The following PTPRR variants were observed in gnomAD, a reference collection of about 807,000 sequenced individuals.
PTPRR encodes the protein protein tyrosine phosphatase receptor type R.
A neutral mutation model predicts 77.2 loss-of-function variants in PTPRR; 38 were observed. The ratio of observed to expected loss-of-function variants is 0.49; its 90% confidence interval spans 0.38 to 0.65. The LOEUF is 0.65. PTPRR is among the 30% of genes least tolerant of loss of function. The probability of loss-of-function intolerance (pLI) is 0.00; values close to 1 mark genes in which losing one functional copy is unlikely to be tolerated. For missense variants in PTPRR, 744 were observed against 799.2 expected, an observed-to-expected ratio of 0.93 and a Z score of 0.83; for synonymous variants, 299 against 283.1, an observed-to-expected ratio of 1.06 and a Z score of -0.57.
chr12:70,658,002 C>A (rs528644698), intron 12 of PTPRR, among the ~76,000 whole-genome samples: 127 of 152,300 alleles, frequency 8.3e-4, no homozygotes, highest in African/African-American at 3.0e-3. Context: ...TTAATTATAT[C>A]ATTCCCTACT....
Position 70,852,488 on chromosome 12 carries a change from T to C in PTPRR, c.357+40191A>G, listed in dbSNP as rs545670736. On this transcript the variant is annotated intron_variant, in intron 2 of 13. Transcript: ENST00000283228. ...TGATTAATACTGTATTACTTCTTTT[T>C]ATACCCTGATTATTATCAAAGTAAT... 9.2e-5 allele frequency among the ~76,000 whole-genome samples: 14 copies of C among 152,320 alleles called. No individual in the cohort carries two copies. The South Asian group carries it at 2.3e-3, about 25-fold the overall frequency.
intron 6 of PTPRR, among the ~76,000 whole-genome samples, chr12:70,732,316 T>C (rs11836088): frequency 0.05 from 7,567 of 152,292 alleles, 663 homozygotes; most frequent in African/African-American, 0.17. Context: ...GGTAACAACA[T>C]GCTAAGTTAG....
chr12:70,711,508 G>C (rs1372923046), intron 6 of PTPRR, among the ~76,000 whole-genome samples: 3 of 151,956 alleles, frequency 2.0e-5, no homozygotes, highest in Non-Finnish European at 4.4e-5. Context: ...GGATAACTAA[G>C]GGGTAGTAGG....
chr12:70,789,193 T>C (rs1891381832), intron 2 of PTPRR, among the ~76,000 whole-genome samples: 1 of 152,086 alleles, frequency 6.6e-6, no homozygotes, highest in African/African-American at 2.4e-5. Context: ...CTGACCAACA[T>C]GGCACATGTA....
At chr12:70,767,482 G>A (rs1396238281) in intron 2 of PTPRR, among the ~76,000 whole-genome samples, 4 of 151,838 alleles carry the variant, frequency 2.6e-5, no homozygotes, top group African/African-American at 9.7e-5. Context: ...AAATATATAT[G>A]CACCCAATAC....
intron 13 of PTPRR, among the ~76,000 whole-genome samples, chr12:70,653,042 C>A (rs1886453416): frequency 1.3e-5 from 2 of 152,132 alleles, no homozygotes; most frequent in African/African-American, 4.8e-5. Context: ...GGTTTGGAGT[C>A]ACTTTAGATC....
Position 70,895,290 on chromosome 12 carries a change from GTA to G in PTPRR, c.59-2315_59-2314del, listed in dbSNP as rs1893408026. On this transcript the variant is annotated intron_variant, in intron 1 of 13. Coordinates refer to ENST00000283228, the MANE Select transcript of PTPRR (RefSeq NM_002849.4). ...AGAGGAGAAATAACTGACAAACTGA[GTA>G]AATTACACAAATATCTTCAATCTTT... Among the ~76,000 whole-genome samples the G allele has an allele frequency of 2.0e-5, 3 of 151,636 alleles. No individual in the cohort carries two copies. In the South Asian group the frequency reaches 6.2e-4, roughly 32 times the overall value.
At chr12:70,714,943 C>T (rs1365172892) in intron 6 of PTPRR, among the ~76,000 whole-genome samples, 2 of 152,168 alleles carry the variant, frequency 1.3e-5, no homozygotes, top group African/African-American at 4.8e-5. Context: ...CGTGATCACG[C>T]TACTGCACTC....
intron 1 of PTPRR, among the ~76,000 whole-genome samples, chr12:70,894,794 T>C (rs898854167): frequency 6.6e-6 from 1 of 151,758 alleles, no homozygotes; most frequent in Admixed American, 6.6e-5. Flanking sequence ...TCATTTAATA[T>C]GGAGAAATAA....
chr12:70,725,550 A>G (rs1191946475), intron 6 of PTPRR, among the ~76,000 whole-genome samples: 2 of 152,180 alleles, frequency 1.3e-5, no homozygotes, highest in African/African-American at 4.8e-5. Context: ...AATTTAGCAC[A>G]TGGAAAAATT....
At chr12:70,792,855 G>A (rs1891445832) in intron 2 of PTPRR, among the ~76,000 whole-genome samples, 1 of 152,084 alleles carries the variant, frequency 6.6e-6, no homozygotes, top group East Asian at 1.9e-4. Flanking sequence ...AGTTTGAAAA[G>A]AGCCCCTGTC....
intron 10 of PTPRR, among the ~76,000 whole-genome samples, chr12:70,666,409 C>G (rs1448124525): frequency 6.6e-6 from 1 of 151,246 alleles, no homozygotes; most frequent in Non-Finnish European, 1.5e-5. Flanking sequence ...CTTTTGATCT[C>G]TGTGTTCCTC....
chr12:70,895,629 G>A (rs1272395768), intron 1 of PTPRR, among the ~76,000 whole-genome samples: 2 of 151,490 alleles, frequency 1.3e-5, no homozygotes, highest in East Asian at 3.9e-4. Context: ...AGAGCTACCC[G>A]GGACATGATG....
chr12:70,639,179 A>G lies in PTPRR; in HGVS notation c.*5T>C, dbSNP rs376367611. On this transcript the variant is annotated 3_prime_UTR_variant, in exon 14 of 14. Transcript: ENST00000283228. ...AGATTGATGGTCTGACAAGTCTTCA[A>G]TGACTCACTGGACAGTCTCTGCTGA... The G allele has an allele frequency of 1.6e-5, 26 of 1,611,446 alleles. No homozygotes were observed. The highest frequency in any genetic ancestry group is 2.7e-5 in the African/African-American group (2 of 74,886).
rs569993669 is a variant in PTPRR, at chr12:70,912,048, T to G, written c.58+8285A>C. On this transcript the variant is annotated intron_variant, in intron 1 of 13. Coordinates refer to ENST00000283228, the MANE Select transcript of PTPRR (RefSeq NM_002849.4). ...CTCCTTTCTTCTGTTTAAGCTACTT[T>G]ATTTTCTTCAGGGAGAATTTTAAAA... Among the ~76,000 whole-genome samples, 10 of 152,314 alleles carry G rather than the reference T, an allele frequency of 6.6e-5. No individual in the cohort carries two copies. In the South Asian group the frequency reaches 1.9e-3, roughly 28 times the overall value.
At chr12:70,865,907 C>A (rs1892836735) in intron 2 of PTPRR, among the ~76,000 whole-genome samples, 1 of 152,144 alleles carries the variant, frequency 6.6e-6, no homozygotes, top group South Asian at 2.1e-4. Flanking sequence ...CACTGTTATA[C>A]CAGATCTCTT....
At chr12:70,780,536 T>C (rs1479426664) in intron 2 of PTPRR, among the ~76,000 whole-genome samples, 1 of 152,126 alleles carries the variant, frequency 6.6e-6, no homozygotes, top group East Asian at 1.9e-4. Context: ...AAGGTTGTGG[T>C]ATTTTTAGTG....
intron 6 of PTPRR, among the ~76,000 whole-genome samples, chr12:70,708,320 G>A (rs377558679): frequency 3.9e-5 from 6 of 151,998 alleles, no homozygotes; most frequent in African/African-American, 9.7e-5. Context: ...GTGCTTTGAC[G>A]GTTTTTCCAG....
At position 70,719,243 on chromosome 12, in the gene PTPRR, C is replaced by T. The variant is rs117481873; in HGVS notation, c.1008-17920G>A. ...AAAACAGCCGACATGAAGGCCATTT[C>T]AGCTTTCCCTCTTCTAATCATGCTT... On this transcript the variant is annotated intron_variant, in intron 6 of 13. Coordinates refer to ENST00000283228, the MANE Select transcript of PTPRR (RefSeq NM_002849.4). 1.2e-4 allele frequency among the ~76,000 whole-genome samples: 18 copies of T among 152,232 alleles called. No homozygotes were observed. In the East Asian group the frequency reaches 3.5e-3, roughly 29 times the overall value.
Sources: allele counts gnomAD v4.1 joint callset (sites outside exome capture counted in the v4.1 genomes callset), GRCh38; gene constraint gnomAD v4.1.1; transcripts MANE v1.5; gene names NCBI Gene and HGNC (gene_info 2026-07-23, HGNC 2026-07-21).